The following FYN variants were observed in gnomAD, a reference collection of about 807,000 sequenced individuals.
The protein encoded by FYN is tyrosine-protein kinase Fyn.
Under a neutral mutation model 70.2 loss-of-function variants are expected in FYN, and 10 were observed. The ratio of observed to expected loss-of-function variants is 0.14; its 90% CI spans 0.09 to 0.24. The LOEUF is 0.24. Among genes scored for constraint, FYN ranks in the 10% least tolerant of loss-of-function variants. The probability of loss-of-function intolerance (pLI) is 1.00; values close to 1 mark genes in which losing one functional copy is unlikely to be tolerated. For synonymous variants in FYN, 236 were observed against 248.6 expected (o/e 0.95, Z 0.48); for missense variants, 319 against 673.1 (o/e 0.47, Z 5.82).
intron 3 of FYN, among the ~76,000 whole-genome samples, chr6:111,745,658 T>G (rs576250588): frequency 9.8e-5 from 15 of 152,306 alleles, no homozygotes; most frequent in African/African-American, 3.6e-4. Flanking sequence ...ACAATGGATT[T>G]GTATTTCAGA....
intron 4 of FYN, among the ~76,000 whole-genome samples, chr6:111,717,645 G>A (rs983819101): frequency 1.3e-5 from 2 of 152,102 alleles, no homozygotes; most frequent in Non-Finnish European, 2.9e-5. Flanking sequence ...GTATTTTTTA[G>A]TAGAGACGGG....
intron 1 of FYN, among the ~76,000 whole-genome samples, chr6:111,851,759 T>C (rs1490418541): frequency 1.3e-5 from 2 of 152,016 alleles, no homozygotes; most frequent in African/African-American, 4.8e-5. Flanking sequence ...GTAAGCAACA[T>C]AAATGAATAA....
intron 6 of FYN, among the ~76,000 whole-genome samples, chr6:111,707,324 A>C (rs1800137649): frequency 6.6e-6 from 1 of 152,200 alleles, no homozygotes; most frequent in Non-Finnish European, 1.5e-5. Context: ...ACACCTTCCT[A>C]AACTGCTACC....
chr6:111,866,126 G>T (rs913486859), intron 1 of FYN, among the ~76,000 whole-genome samples: 8 of 152,102 alleles, frequency 5.3e-5, no homozygotes, highest in Admixed American at 5.2e-4. Context: ...ATTAACAACA[G>T]CAGCAAACAC....
chr6:111,828,908 C>T (rs1391221963), intron 2 of FYN, among the ~76,000 whole-genome samples: 1 of 152,108 alleles, frequency 6.6e-6, no homozygotes, highest in Admixed American at 6.5e-5. Flanking sequence ...ATGTGTTTTA[C>T]CACAATTAAA....
chr6:111,852,905 G>A (rs889437713), intron 1 of FYN, among the ~76,000 whole-genome samples: 4 of 152,166 alleles, frequency 2.6e-5, no homozygotes, highest in Non-Finnish European at 5.9e-5. Context: ...TCCTTGGAAA[G>A]GCATTCATGA....
intron 2 of FYN, among the ~76,000 whole-genome samples, chr6:111,815,610 GA>G (rs557680506): frequency 6.6e-6 from 1 of 151,714 alleles, no homozygotes; most frequent in Non-Finnish European, 1.5e-5. Context: ...ATAACTAGAG[GA>G]AAAAAATACT....
chr6:111,776,983 TTCA>T (rs1770966895), intron 3 of FYN, among the ~76,000 whole-genome samples: 1 of 152,206 alleles, frequency 6.6e-6, no homozygotes, highest in South Asian at 2.1e-4. Context: ...TAAGCACATT[TTCA>T]TCACACCAGA....
At chr6:111,741,511 T>C (rs530644727) in intron 3 of FYN, among the ~76,000 whole-genome samples, 15 of 30,698 alleles carry the variant, frequency 4.9e-4, no homozygotes, top group African/African-American at 3.5e-3. Flanking sequence ...ATTTTGTTTA[T>C]ATTCATTTTT....
chr6:111,824,227 G>A (rs1029376918), intron 2 of FYN, among the ~76,000 whole-genome samples: 1 of 152,182 alleles, frequency 6.6e-6, no homozygotes, highest in Non-Finnish European at 1.5e-5. Context: ...TAACATCACT[G>A]GGTGGGCCAC....
intron 1 of FYN, among the ~76,000 whole-genome samples, chr6:111,861,789 C>A (rs1286389355): frequency 6.6e-6 from 1 of 152,206 alleles, no homozygotes; most frequent in African/African-American, 2.4e-5. Flanking sequence ...CTCCAGGGGT[C>A]CCTCCCCATG....
At chr6:111,716,064 G>T (rs1228544988) in intron 4 of FYN, among the ~76,000 whole-genome samples, 1 of 152,216 alleles carries the variant, frequency 6.6e-6, no homozygotes, top group Non-Finnish European at 1.5e-5. Flanking sequence ...AATTGCATAT[G>T]TCTTAAAAGC....
chr6:111,685,305 C>A (rs2128421986), intron 12 of FYN, among the ~76,000 whole-genome samples: 1 of 152,360 alleles, frequency 6.6e-6, no homozygotes, highest in South Asian at 2.1e-4. Flanking sequence ...GCATGGGCAG[C>A]ACTGGGTTTG....
intron 2 of FYN, among the ~76,000 whole-genome samples, chr6:111,807,841 G>A (rs905061919): frequency 7.9e-5 from 12 of 152,128 alleles, no homozygotes; most frequent in Admixed American, 4.6e-4. Flanking sequence ...CGGATGTGGT[G>A]GCTCATGCCT....
intron 5 of FYN, among the ~76,000 whole-genome samples, chr6:111,711,600 C>T (rs1800382169): frequency 6.6e-6 from 1 of 152,184 alleles, no homozygotes. Flanking sequence ...GCCCTGTGGC[C>T]TCCAGCGCCA....
intron 2 of FYN, among the ~76,000 whole-genome samples, chr6:111,829,773 T>C (rs2114405638): frequency 6.6e-6 from 1 of 152,316 alleles, no homozygotes; most frequent in South Asian, 2.1e-4. Context: ...ATTAAGTCTA[T>C]GAAATACTGC....
chr6:111,764,233 G>GAAAAAAAAAAAAAAAAAAAAA (rs1441217283), intron 3 of FYN, among the ~76,000 whole-genome samples: 1 of 71,698 alleles, frequency 1.4e-5, no homozygotes, highest in Non-Finnish European at 2.8e-5. Context: ...AAAAAAAAAA[G>GAAAAAAAAAAAAAAAAAAAAA]AAAAGAAAAA....
chr6:111,828,361 A>C (rs1391265800), intron 2 of FYN, among the ~76,000 whole-genome samples: 2 of 152,222 alleles, frequency 1.3e-5, no homozygotes, highest in Non-Finnish European at 2.9e-5. Flanking sequence ...GTTCCTTAAA[A>C]AATTAAAAAT....
At chr6:111,833,726 C>T (rs1295093128) in intron 2 of FYN, among the ~76,000 whole-genome samples, 2 of 152,098 alleles carry the variant, frequency 1.3e-5, no homozygotes, top group African/African-American at 2.4e-5. Flanking sequence ...AATGTTTTTT[C>T]GTGCGAATGT....
Sources: allele counts gnomAD v4.1 joint callset (sites outside exome capture counted in the v4.1 genomes callset), GRCh38; gene constraint gnomAD v4.1.1; transcripts MANE v1.5; gene names NCBI Gene and HGNC (gene_info 2026-07-23, HGNC 2026-07-21).